Variants in TXNDC16 observed in about 807,000 individuals in gnomAD.
TXNDC16 encodes the protein thioredoxin domain-containing protein 16.
A neutral mutation model predicts 85.6 loss-of-function variants in TXNDC16; 74 were observed. That is an observed-to-expected ratio of 0.86 (90% confidence interval 0.72 to 1.05). TXNDC16 has a LOEUF of 1.05. TXNDC16 is among the 50% of genes least tolerant of loss of function. The probability of loss-of-function intolerance (pLI) is 0.00; values close to 1 mark genes in which losing one functional copy is unlikely to be tolerated. For missense variants in TXNDC16, 959 were observed against 947.0 expected, an observed-to-expected ratio of 1.01 and a Z score of -0.17; for synonymous variants, 335 against 326.5, an observed-to-expected ratio of 1.03 and a Z score of -0.28.
intron 14 of TXNDC16, among the ~76,000 whole-genome samples, chr14:52,473,272 C>T (rs906807521): frequency 2.3e-4 from 35 of 152,026 alleles, no homozygotes; most frequent in African/African-American, 4.1e-4. Flanking sequence ...TCCTGGTGCG[C>T]GACAACGAAC....
At chr14:52,488,524 A>T in intron 11 of TXNDC16, 38 bp from the exon 12 acceptor site, 1 of 1,515,370 alleles carries the variant, frequency 6.6e-7, no homozygotes, top group Non-Finnish European at 9.0e-7. Context: ...GAATATAGCA[A>T]AGTATTTTGA....
rs1351373735 is a variant in TXNDC16 at position 52,439,345 on chromosome 14, G to A, written c.2053C>T (p.Leu685=). 9 of 1,613,870 alleles carry A rather than the reference G, an allele frequency of 5.6e-6. No homozygotes were observed. Among genetic ancestry groups the A allele is most frequent in the South Asian group, 1.1e-5 (1 of 91,070 alleles). The part of the protein sequence containing the change: ...RGILRAYFDP[L]PPLPLLVLVN... ...AAAACAAGAAGAGGAAGGGGAGGCA[G>A]AGGATCAAAATATGCCCTCAAGATT... The change falls in exon 20 of 21, where the codon CTG becomes TTG. Residue 685 remains leucine (L), a synonymous_variant. Transcript: ENST00000281741.
intron 9 of TXNDC16, among the ~76,000 whole-genome samples, chr14:52,493,688 G>C (rs1036033008): frequency 1.3e-5 from 2 of 152,040 alleles, no homozygotes; most frequent in African/African-American, 2.4e-5. Flanking sequence ...AAGGACATGA[G>C]TTGTCAGATT....
rs933699818 is a variant in TXNDC16, at chr14:52,544,289, G to A, written c.-99C>T. 1 of 151,950 alleles carries A rather than the reference G, an allele frequency of 6.6e-6. No homozygotes were observed. Among genetic ancestry groups the A allele is most frequent in the Non-Finnish European group, 1.5e-5 (1 of 67,938 alleles). 9.4% of individuals were successfully genotyped at this position (151,950 alleles called of 1,614,324 possible). A position where few individuals can be genotyped will look rare whatever the true frequency, so the allele number is the denominator to read the frequency against. The stretch of plus-strand genomic sequence containing the variant: ...TTCCATGCTGTCCTCTGTATCTGCT[G>A]TTAATTCTTTATTTTCTATTTTGCT... On this transcript the variant is annotated 5_prime_UTR_variant, in exon 2 of 21. Coordinates refer to ENST00000281741, the MANE Select transcript of TXNDC16 (RefSeq NM_020784.3).
At chr14:52,460,466 T>C (rs571947004) in intron 16 of TXNDC16, among the ~76,000 whole-genome samples, 5 of 152,338 alleles carry the variant, frequency 3.3e-5, no homozygotes, top group African/African-American at 1.2e-4. Context: ...TTGAACATTA[T>C]CTTCTGACAA....
chr14:52,443,714 G>A (rs1166849033), intron 18 of TXNDC16, among the ~76,000 whole-genome samples: 1 of 152,166 alleles, frequency 6.6e-6, no homozygotes, highest in Non-Finnish European at 1.5e-5. Context: ...TAGCTCCTGG[G>A]AATACTGAGA....
chr14:52,446,239 G>A, intron 18 of TXNDC16, among the ~76,000 whole-genome samples: 1 of 152,230 alleles, frequency 6.6e-6, no homozygotes, highest in Non-Finnish European at 1.5e-5. Flanking sequence ...ACTGCATGAA[G>A]AGAGAATCTA....
intron 7 of TXNDC16, among the ~76,000 whole-genome samples, chr14:52,518,791 G>T (rs528910725): frequency 6.6e-6 from 1 of 151,898 alleles, no homozygotes; most frequent in Admixed American, 6.6e-5. Flanking sequence ...CTACACTCTA[G>T]GAACCATTTA....
At chr14:52,438,921 T>A (rs960401304) in intron 20 of TXNDC16, among the ~76,000 whole-genome samples, 3 of 152,202 alleles carry the variant, frequency 2.0e-5, no homozygotes, top group African/African-American at 7.2e-5. Flanking sequence ...TGTAACAACT[T>A]TTTTAATGGC....
intron 9 of TXNDC16, among the ~76,000 whole-genome samples, chr14:52,502,648 C>T (rs528285866): frequency 5.3e-5 from 8 of 152,228 alleles, no homozygotes; most frequent in Non-Finnish European, 8.8e-5. Context: ...CCAGAGTGAG[C>T]GAGGCAGAAG....
chr14:52,506,727 T>C (rs1449787152), intron 9 of TXNDC16, among the ~76,000 whole-genome samples: 1 of 143,126 alleles, frequency 7.0e-6, no homozygotes, highest in East Asian at 2.2e-4. Flanking sequence ...CGGCTAATTT[T>C]CTGTATTTTT....
Position 52,440,619 on chromosome 14 carries a change from A to G in TXNDC16, c.1948T>C (p.Leu650=), listed in dbSNP as rs749131337. 5 of 1,610,242 alleles carry G rather than the reference A, an allele frequency of 3.1e-6. No homozygotes were observed. In the South Asian group the frequency reaches 4.4e-5, roughly 14 times the overall value. ...TVNPQYKKAI[L]TLVKQKYLDS... ...AAGTATTTCTGCTTTACCAGTGTCA[A>G]TATTGCTTTTTTATACTGAGGATTT... Residue 650 remains leucine (L), a synonymous_variant, in exon 19 of 21, where the codon TTG becomes CTG. Coordinates refer to ENST00000281741, the MANE Select transcript of TXNDC16 (RefSeq NM_020784.3).
intron 11 of TXNDC16, among the ~76,000 whole-genome samples, chr14:52,489,620 A>C (rs2036355017): frequency 1.3e-5 from 2 of 152,208 alleles, no homozygotes; most frequent in African/African-American, 4.8e-5. Context: ...CTTTTAATTA[A>C]AGTATAACAT....
Position 52,440,582 on chromosome 14 carries a change from G to A in TXNDC16, c.1985C>T (p.Thr662Ile), listed in dbSNP as rs201389150. 6.2e-7 allele frequency: 1 copy of A among 1,604,534 alleles called. No homozygotes were observed. Residue 662 changes from threonine to isoleucine, a missense_variant, in exon 19 of 21, where the codon ACT (threonine) becomes ATT (isoleucine). Thr to Ile is a moderately conservative substitution (Grantham distance 89, BLOSUM62 -1). Transcript: ENST00000281741. Reference protein sequence around the residue: ...LVKQKYLDSFTPCWLNLKNTP... With the variant: ...LVKQKYLDSFIPCWLNLKNTP... The stretch of plus-strand genomic sequence containing the variant: ...TACTTACAGATTTAACCAGCATGGA[G>A]TAAATGAATCCAAGTATTTCTGCTT...
chr14:52,504,723 T>A (rs1280710412), intron 9 of TXNDC16, among the ~76,000 whole-genome samples: 1 of 152,100 alleles, frequency 6.6e-6, no homozygotes, highest in East Asian at 1.9e-4. Context: ...CATAACAATA[T>A]CAACCTTAAA....
chr14:52,518,867 T>G (rs575116403), intron 7 of TXNDC16, among the ~76,000 whole-genome samples: 9 of 152,256 alleles, frequency 5.9e-5, no homozygotes, highest in African/African-American at 1.7e-4. Context: ...CATTTGATTC[T>G]CACAATTACA....
chr14:52,544,415 A>C (rs905526939), intron 1 of TXNDC16, 44 bp from the exon 2 acceptor site: 3 of 152,122 alleles, frequency 2.0e-5, no homozygotes, highest in Non-Finnish European at 2.9e-5. Flanking sequence ...GTATAATATA[A>C]AAACAGTCAT....
chr14:52,464,230 T>C (rs2035719281), intron 16 of TXNDC16, among the ~76,000 whole-genome samples: 1 of 152,244 alleles, frequency 6.6e-6, no homozygotes, highest in South Asian at 2.1e-4. Context: ...ATCAGCATCC[T>C]AACTTGTGTG....
At chr14:52,433,028 A>G (rs2034942094) in intron 20 of TXNDC16, among the ~76,000 whole-genome samples, 1 of 152,196 alleles carries the variant, frequency 6.6e-6, no homozygotes, top group South Asian at 2.1e-4. Flanking sequence ...ATTTTGGAAC[A>G]TATGTAATTA....
Sources: gnomAD v4.1 joint callset for allele counts (sites outside exome capture counted in the v4.1 genomes callset) on GRCh38, gnomAD v4.1.1 for gene constraint, MANE v1.5 for transcripts, NCBI Gene and HGNC (gene_info 2026-07-23, HGNC 2026-07-21) for gene names.